LCORL: variants seen among roughly 807,000 people sequenced by gnomAD.
LCORL encodes the protein ligand-dependent nuclear receptor corepressor-like protein.
A neutral mutation model predicts 141.8 loss-of-function variants in LCORL; 41 were observed. That is an observed-to-expected ratio of 0.29 (90% CI 0.23 to 0.38). The LOEUF (loss-of-function observed/expected upper bound fraction) is 0.38. LCORL is among the 10% of genes least tolerant of loss of function. LCORL has a pLI of 1.00. For missense variants in LCORL, 1,759 were observed against 2,035.0 expected (o/e 0.86, Z 2.61); for synonymous variants, 618 against 694.1 (o/e 0.89, Z 1.72).
At chr4:17,876,820 T>C in exon 7 of LCORL, 1 of 1,230,750 alleles carries the variant, frequency 8.1e-7, no homozygotes, top group East Asian at 3.2e-5. Flanking sequence ...TCAGGGGAAG[T>C]TGTTTTAAAG....
At chr4:17,847,242 A>C (rs1240050509) in intron 7 of LCORL, among the ~76,000 whole-genome samples, 1 of 152,210 alleles carries the variant, frequency 6.6e-6, no homozygotes, top group Non-Finnish European at 1.5e-5. Context: ...GAACTACATC[A>C]TTCCTAAACT....
chr4:17,960,778 C>G (rs552182856), intron 4 of LCORL, among the ~76,000 whole-genome samples: 2 of 152,052 alleles, frequency 1.3e-5, no homozygotes, highest in Non-Finnish European at 2.9e-5. Context: ...TAACACTGTA[C>G]TAAAAATTTT....
chr4:18,021,390 A>T lies in LCORL; in HGVS notation c.154+208T>A, dbSNP rs919434552. 6.6e-6 allele frequency among the ~76,000 whole-genome samples: 1 copy of T among 152,096 alleles called. No homozygotes were observed. Among genetic ancestry groups the T allele is most frequent in the Non-Finnish European group, 1.5e-5 (1 of 67,982 alleles). Reference sequence around the variant, plus strand: ...GTTCCCGGGGAGCCCAAGAGCTGGGAAGGCGAAGGAGCGCGGACCGCGCCG... The same window carrying T: ...GTTCCCGGGGAGCCCAAGAGCTGGGTAGGCGAAGGAGCGCGGACCGCGCCG... On this transcript the variant is annotated intron_variant, in intron 1 of 7. Coordinates refer to ENST00000635767, the Ensembl canonical transcript of LCORL. The surrounding 1 kb of genome is among the most constrained non-coding windows in gnomAD (Gnocchi z 5.5).
chr4:17,944,509 TG>T (rs1426747545), intron 4 of LCORL, among the ~76,000 whole-genome samples: 1 of 152,310 alleles, frequency 6.6e-6, no homozygotes, highest in East Asian at 1.9e-4. Flanking sequence ...TTGCTCAAAT[TG>T]TTGCAACTCT....
At chr4:17,895,353 A>G (rs972138833) in intron 5 of LCORL, among the ~76,000 whole-genome samples, 5 of 151,800 alleles carry the variant, frequency 3.3e-5, no homozygotes, top group African/African-American at 7.3e-5. Flanking sequence ...TCTACTCTCT[A>G]CTTCTATGAG....
intron 7 of LCORL, among the ~76,000 whole-genome samples, chr4:17,868,459 T>G (rs944046669): frequency 3.9e-4 from 59 of 152,300 alleles, no homozygotes; most frequent in African/African-American, 1.4e-3. Context: ...AAAAGTTTAC[T>G]CAGAGGTGTC....
At chr4:17,891,435 A>C (rs771257052) in intron 5 of LCORL, among the ~76,000 whole-genome samples, 1 of 152,152 alleles carries the variant, frequency 6.6e-6, no homozygotes, top group African/African-American at 2.4e-5. Flanking sequence ...TTTTAAGAAA[A>C]TAATATTTAA....
intron 4 of LCORL, among the ~76,000 whole-genome samples, chr4:17,930,118 G>A (rs879476370): frequency 2.6e-5 from 4 of 152,174 alleles, no homozygotes; most frequent in Non-Finnish European, 4.4e-5. Flanking sequence ...GTATTGTGGA[G>A]GATGTGGAAA....
Position 17,884,324 on chromosome 4 carries a change from T to C in LCORL, c.776+1744A>G. 1 of 1,548,024 alleles carries C rather than the reference T, an allele frequency of 6.5e-7. No individual in the cohort carries two copies. The highest frequency in any genetic ancestry group is 8.7e-7 in the Non-Finnish European group (1 of 1,145,770). On this transcript the variant is annotated intron_variant, in intron 6 of 7. Coordinates refer to ENST00000635767, the Ensembl canonical transcript of LCORL. This position sits in a 1 kb window ranked among gnomAD's most constrained non-coding sequence, Gnocchi z 4.4. ...TACAGTAGGATTTGAAGTTTCATAT[T>C]GGAGGCTTTCATTTTTTTCTTTAAA...
chr4:17,999,392 T>C (rs1298282858), intron 1 of LCORL, among the ~76,000 whole-genome samples: 1 of 150,618 alleles, frequency 6.6e-6, no homozygotes, highest in Non-Finnish European at 1.5e-5. Flanking sequence ...AGGTGGAGCT[T>C]GCAGTGAGCC....
intron 1 of LCORL, among the ~76,000 whole-genome samples, chr4:18,001,460 T>C (rs1721946758): frequency 6.6e-6 from 1 of 152,194 alleles, no homozygotes; most frequent in Non-Finnish European, 1.5e-5. Context: ...AATTTAAGGC[T>C]TTATCCTAAG....
intron 4 of LCORL, among the ~76,000 whole-genome samples, chr4:17,943,474 C>T (rs1035615367): frequency 1.3e-5 from 2 of 152,146 alleles, no homozygotes; most frequent in African/African-American, 2.4e-5. Context: ...AAGTTACTAA[C>T]ACTCGCTGAA....
At chr4:17,856,286 G>A (rs1054745140) in intron 7 of LCORL, among the ~76,000 whole-genome samples, 2 of 152,210 alleles carry the variant, frequency 1.3e-5, no homozygotes, top group South Asian at 4.1e-4. Flanking sequence ...GAAGGTGACT[G>A]TATTTGGGGA....
At position 17,972,887 on chromosome 4, in the gene LCORL, T is replaced by G; in HGVS notation, c.155-2A>C. On this transcript the variant is annotated splice_acceptor_variant, in intron 1 of 7. Coordinates refer to ENST00000635767, the Ensembl canonical transcript of LCORL. LOFTEE classifies it high-confidence loss of function. ...GCCCTTCTAAAATACTCTCAAAACC[T>G]GTGTTTTTAGAGAGAGAAAAGTATA... 7.2e-7 allele frequency: 1 copy of G among 1,386,498 alleles called. No individual in the cohort carries two copies. Among genetic ancestry groups the G allele is most frequent in the South Asian group, 1.8e-5 (1 of 55,038 alleles). 85.9% of individuals were successfully genotyped at this position (1,386,498 alleles called of 1,614,324 possible). A position where few individuals can be genotyped will look rare whatever the true frequency, so the allele number is the denominator to read the frequency against.
chr4:18,000,224 G>A (rs1403494257), intron 1 of LCORL, among the ~76,000 whole-genome samples: 3 of 150,234 alleles, frequency 2.0e-5, no homozygotes, highest in African/African-American at 7.3e-5. Context: ...AGATAGGGAA[G>A]GGGAAAATAT....
intron 5 of LCORL, among the ~76,000 whole-genome samples, chr4:17,903,506 T>C (rs919834508): frequency 2.0e-5 from 3 of 152,090 alleles, no homozygotes; most frequent in Non-Finnish European, 4.4e-5. Flanking sequence ...TTAAAAAATA[T>C]ATACTTGACA....
At chr4:17,994,098 T>C (rs1386246526) in intron 1 of LCORL, among the ~76,000 whole-genome samples, 2 of 152,120 alleles carry the variant, frequency 1.3e-5, no homozygotes, top group African/African-American at 4.8e-5. Context: ...TATCAGGAGG[T>C]AGAAACAAAG....
chr4:17,939,143 G>A (rs1431073070), intron 4 of LCORL, among the ~76,000 whole-genome samples: 3 of 152,082 alleles, frequency 2.0e-5, no homozygotes, highest in Non-Finnish European at 4.4e-5. Context: ...CTTTAAAAAG[G>A]AAGATACATG....
rs1577772462 is a variant in LCORL, at chr4:18,021,439, G to A, written c.154+159C>T. 6.6e-6 allele frequency among the ~76,000 whole-genome samples: 1 copy of A among 152,068 alleles called. No individual in the cohort carries two copies. Among genetic ancestry groups the A allele is most frequent in the Non-Finnish European group, 1.5e-5 (1 of 67,986 alleles). On this transcript the variant is annotated intron_variant, in intron 1 of 7. Coordinates refer to ENST00000635767, the Ensembl canonical transcript of LCORL. This position sits in a 1 kb window ranked among gnomAD's most constrained non-coding sequence, Gnocchi z 5.5. ...CGGGCCAGCAGCCCGCAAGACAAAA[G>A]GCGAGCGCCGGGGCCGCCGCGCCGC...
Sources: allele counts gnomAD v4.1 joint callset (sites outside exome capture counted in the v4.1 genomes callset), GRCh38; gene constraint gnomAD v4.1.1; non-coding constraint Gnocchi (gnomAD v3.1); transcripts MANE v1.5; gene names NCBI Gene and HGNC (gene_info 2026-07-23, HGNC 2026-07-21).